Variants in GRK1 observed in about 807,000 individuals in gnomAD.
GRK1 encodes the protein G protein-coupled receptor kinase 1.
In GRK1, 28 loss-of-function variants were observed where a neutral mutation model predicts 41.7. The ratio of observed to expected loss-of-function variants is 0.67; its 90% CI spans 0.50 to 0.92. The LOEUF (loss-of-function observed/expected upper bound fraction) is 0.92. GRK1 is among the 40% of genes least tolerant of loss of function. The pLI, the probability that GRK1 is intolerant of heterozygous loss-of-function variation, is 0.00. For missense variants in GRK1, 703 were observed against 671.2 expected, an observed-to-expected ratio of 1.05 and a Z score of -0.52; for synonymous variants, 327 against 286.7, an observed-to-expected ratio of 1.14 and a Z score of -1.42.
At position 113,671,476 on chromosome 13, in the gene GRK1, G is replaced by A. The variant is rs148878889; in HGVS notation, c.828-23G>A. On this transcript the variant is annotated intron_variant, in intron 2 of 6. Transcript: ENST00000335678. This position sits in a 1 kb window ranked among gnomAD's most constrained non-coding sequence, Gnocchi z 4.1. ...ACTCCCCATTAAACCCGGGGTGCAT[G>A]GTTCCCACGTGTCTTCCCCCAGGTA... 6.4e-6 allele frequency: 5 copies of A among 778,072 alleles called. No individual in the cohort carries two copies. In the African/African-American group the frequency reaches 8.4e-5, roughly 13 times the overall value. 48.2% of individuals were successfully genotyped at this position (778,072 alleles called of 1,614,324 possible).
the GRK1 span, chr13:113,654,951 C>A: frequency 6.2e-7 from 1 of 1,613,650 alleles, no homozygotes; most frequent in Non-Finnish European, 8.5e-7. Context: ...CACTGCGACA[C>A]AAGGCAGGCA....
intron 2 of GRK1, 89 bp downstream of exon 2, chr13:113,669,903 C>G (rs2049845559): frequency 6.6e-7 from 1 of 1,508,126 alleles, no homozygotes; most frequent in African/African-American, 1.4e-5. Context: ...ACAGGCAGAG[C>G]CATGGTGGCC....
At chr13:113,658,090 G>T in the GRK1 span, 44 of 1,612,266 alleles carry the variant, frequency 2.7e-5, no homozygotes, top group Middle Eastern at 1.7e-4. Flanking sequence ...CAGCAGTAAC[G>T]CTGGAACTCC....
In GRK1 at chr13:113,735,403, C is replaced by G; in HGVS notation, c.*40C>G. The G allele has an allele frequency of 6.9e-7, 1 of 1,440,752 alleles. No homozygotes were observed. The highest frequency in any genetic ancestry group is 9.1e-7 in the Non-Finnish European group (1 of 1,098,578). The allele number at this position is 1,440,752 out of a possible 1,614,324, so 89.2% of individuals were successfully genotyped here. On this transcript the variant is annotated 3_prime_UTR_variant, in exon 7 of 7. Transcript: ENST00000335678. The stretch of plus-strand genomic sequence containing the variant: ...TCCACGTGGAGGAAAAGGACCCATA[C>G]GGCTCGATGGGGGCCGCCTGCCTCC...
chr13:113,729,031 C>T (rs964226604), intron 4 of GRK1, among the ~76,000 whole-genome samples: 2 of 152,116 alleles, frequency 1.3e-5, no homozygotes, highest in African/African-American at 4.8e-5. Context: ...GGGAAGGGCT[C>T]GAGAGGTGCT....
At chr13:113,661,414 T>G in the GRK1 span, among the ~76,000 whole-genome samples, 2 of 151,820 alleles carry the variant, frequency 1.3e-5, no homozygotes, top group African/African-American at 4.8e-5. Context: ...TCAAAAACCC[T>G]AAGCTCTCAT....
chr13:113,667,576 G>C lies in GRK1; in HGVS notation c.190G>C (p.Glu64Gln), dbSNP rs966485607. The C allele has an allele frequency of 2.5e-5, 41 of 1,613,492 alleles. No individual in the cohort carries two copies. The highest frequency in any genetic ancestry group is 3.5e-5 in the Non-Finnish European group (41 of 1,179,904). The change falls in exon 1 of 7, where the codon GAG becomes CAG. Residue 64 changes from glutamate (E) to glutamine (Q), a missense_variant. Transcript: ENST00000335678. This position sits in a 1 kb window ranked among gnomAD's most constrained non-coding sequence, Gnocchi z 7.5. ...CCTGGAGTTTGAGAGTGTGTGCTTG[G>C]AGCAGCCCATCGGCAAGAAGCTCTT... ...LSLEFESVCL[E>Q]QPIGKKLFQQ...
At position 113,735,409 on chromosome 13, in the gene GRK1, G is replaced by A. The variant is rs546322679; in HGVS notation, c.*46G>A. On this transcript the variant is annotated 3_prime_UTR_variant, in exon 7 of 7. Coordinates refer to ENST00000335678, the MANE Select transcript of GRK1 (RefSeq NM_002929.3). The stretch of plus-strand genomic sequence containing the variant: ...TGGAGGAAAAGGACCCATACGGCTC[G>A]ATGGGGGCCGCCTGCCTCCGTGGTG... The A allele has an allele frequency of 6.8e-4, 975 of 1,432,224 alleles. 1 individual carries two copies. Among genetic ancestry groups the A allele is most frequent in the East Asian group, 1.7e-3 (66 of 39,194 alleles). The allele number at this position is 1,432,224 out of a possible 1,614,324, so 88.7% of individuals were successfully genotyped here. A position where few individuals can be genotyped will look rare whatever the true frequency, so the allele number is the denominator to read the frequency against.
In GRK1 at chr13:113,671,744, G is replaced by A; in HGVS notation, c.985+88G>A. The A allele has an allele frequency of 1.4e-6, 1 of 691,460 alleles. No individual in the cohort carries two copies. The highest frequency in any genetic ancestry group is 2.6e-6 in the Non-Finnish European group (1 of 378,268). 42.8% of individuals were successfully genotyped at this position (691,460 alleles called of 1,614,324 possible). A position where few individuals can be genotyped will look rare whatever the true frequency, so the allele number is the denominator to read the frequency against. On this transcript the variant is annotated intron_variant, in intron 3 of 6. Coordinates refer to ENST00000335678, the MANE Select transcript of GRK1 (RefSeq NM_002929.3). The surrounding 1 kb of genome is among the most constrained non-coding windows in gnomAD (Gnocchi z 4.1). ...GGGGGTCTCTGCACAACCTCACGAG[G>A]GCTGACGGCTGTGTGGACGGTGGGG...
chr13:113,668,461 CCTGGCTCCT>C (rs1427895401), intron 1 of GRK1, among the ~76,000 whole-genome samples: 2 of 152,222 alleles, frequency 1.3e-5, no homozygotes, highest in East Asian at 3.8e-4. Context: ...TTTCCAGGGC[CCTGGCTCCT>C]CTGATCGCAG....
chr13:113,653,395 A>G, the GRK1 span: 3 of 1,614,212 alleles, frequency 1.9e-6, no homozygotes, highest in South Asian at 3.3e-5. Context: ...GACAATTTCC[A>G]GGCCTTTCTC....
intron 3 of GRK1, among the ~76,000 whole-genome samples, chr13:113,672,520 TGTG>T (rs1178400367): frequency 2.8e-5 from 2 of 72,538 alleles, no homozygotes; most frequent in African/African-American, 9.5e-5. Context: ...AATTGTGTGG[TGTG>T]TGTGTGTGAG....
the GRK1 span, among the ~76,000 whole-genome samples, chr13:113,661,822 C>T: frequency 1.4e-4 from 22 of 152,294 alleles, no homozygotes; most frequent in Admixed American, 1.4e-3. Flanking sequence ...ATTAAGGAAA[C>T]TGAATTAATA....
chr13:113,668,143 C>T (rs569433949), intron 1 of GRK1, 58 bp downstream of exon 1: 1 of 1,526,516 alleles, frequency 6.6e-7, no homozygotes, highest in African/African-American at 1.4e-5. Flanking sequence ...GATGGGGCGG[C>T]AGGGTGCAGA....
intron 6 of GRK1, among the ~76,000 whole-genome samples, chr13:113,733,737 A>ATG (rs879854132): frequency 0.14 from 12,100 of 86,882 alleles, 929 homozygotes; most frequent in Middle Eastern, 0.36. Flanking sequence ...GCGCGTGTGT[A>ATG]TGTGTGCATA....
At position 113,727,943 on chromosome 13, in the gene GRK1, TGAG is replaced by T. The variant is rs1240983844; in HGVS notation, c.1070-3272_1070-3270del. 2.1e-3 allele frequency among the ~76,000 whole-genome samples: 134 copies of T among 62,838 alleles called. 10 individuals are homozygous for T. Among genetic ancestry groups the T allele is most frequent in the African/African-American group, 0.011 (121 of 10,978 alleles). The allele number at this position is 62,838 out of a possible 152,430, so 41.2% of individuals were successfully genotyped here. On this transcript the variant is annotated intron_variant, in intron 4 of 6. Transcript: ENST00000335678. Reference sequence around the variant, plus strand: ...TGGCGATGAGGAGTACCCATGGCGATGAGGAGTACCCATGGTGATGAGGACCCA... The same window carrying T: ...TGGCGATGAGGAGTACCCATGGCGATGAGTACCCATGGTGATGAGGACCCA...
chr13:113,734,045 TGC>T (rs1173442899), intron 6 of GRK1, among the ~76,000 whole-genome samples: 5 of 151,396 alleles, frequency 3.3e-5, no homozygotes, highest in East Asian at 3.9e-4. Flanking sequence ...TATGTGTGTG[TGC>T]ATACGTGTGT....
At chr13:113,657,002 T>A in the GRK1 span, among the ~76,000 whole-genome samples, 3 of 152,188 alleles carry the variant, frequency 2.0e-5, no homozygotes, top group Non-Finnish European at 4.4e-5. Flanking sequence ...AACGGGGTAT[T>A]TGTTCTACTT....
chr13:113,735,339 G>T lies in GRK1; in HGVS notation c.1668G>T (p.Lys556Asn). 1 of 1,516,886 alleles carries T rather than the reference G, an allele frequency of 6.6e-7. No homozygotes were observed. Among genetic ancestry groups the T allele is most frequent in the Non-Finnish European group, 8.8e-7 (1 of 1,134,084 alleles). The allele number at this position is 1,516,886 out of a possible 1,614,324, so 94.0% of individuals were successfully genotyped here. ...CCGGGGGCTCCAGCTCCTCGTCCAA[G>T]TCAGGGATGTGTCTGGTTTCCTAGG... ...GISGGSSSSS[K>N]SGMCLVS The change falls in exon 7 of 7, where the codon AAG becomes AAT. Residue 556 changes from lysine to asparagine, a missense_variant. Physicochemically the swap from Lys to Asn is moderately conservative, Grantham distance 94. Coordinates refer to ENST00000335678, the MANE Select transcript of GRK1 (RefSeq NM_002929.3).
Sources: gnomAD v4.1 joint callset for allele counts (sites outside exome capture counted in the v4.1 genomes callset) on GRCh38, gnomAD v4.1.1 for gene constraint, Gnocchi (gnomAD v3.1) non-coding constraint, MANE v1.5 for transcripts, NCBI Gene and HGNC (gene_info 2026-07-23, HGNC 2026-07-21) for gene names.